Variants in MARCHF11 observed in about 807,000 individuals in gnomAD.
MARCHF11 encodes membrane associated ring-CH-type finger 11.
MARCHF11 carries 29 observed loss-of-function variants against 37.3 expected under a neutral mutation model. The observed-to-expected ratio is 0.78, with a 90% CI of 0.58 to 1.06. The LOEUF is 1.06. Among genes scored for constraint, MARCHF11 ranks in the 50% least tolerant of loss-of-function variants. The pLI, the probability that MARCHF11 is intolerant of heterozygous loss-of-function variation, is 0.00. For missense variants in MARCHF11, 482 were observed against 533.4 expected (o/e 0.90, Z 0.95); for synonymous variants, 233 against 228.0 (o/e 1.02, Z -0.20).
At chr5:16,161,708 G>C (rs533945494) in intron 2 of MARCHF11, among the ~76,000 whole-genome samples, 156 of 152,022 alleles carry the variant, frequency 1.0e-3, no homozygotes, top group Non-Finnish European at 1.9e-3. Context: ...ATCAATTTGT[G>C]TAGCTCCAGG....
intron 2 of MARCHF11, among the ~76,000 whole-genome samples, chr5:16,117,516 C>G (rs1278718003): frequency 6.6e-6 from 1 of 152,134 alleles, no homozygotes; most frequent in African/African-American, 2.4e-5. Flanking sequence ...ATTTGCAAAG[C>G]AACATTTGGT....
At chr5:16,123,468 G>C (rs540833421) in intron 2 of MARCHF11, among the ~76,000 whole-genome samples, 2 of 152,118 alleles carry the variant, frequency 1.3e-5, no homozygotes, top group African/African-American at 2.4e-5. Context: ...CTACAAGTGT[G>C]AAACAATAAA....
chr5:16,081,932 T>C (rs560305788), intron 3 of MARCHF11, among the ~76,000 whole-genome samples: 84 of 152,316 alleles, frequency 5.5e-4, no homozygotes, highest in African/African-American at 1.9e-3. Flanking sequence ...TTCTATGCTA[T>C]TTCCCAGGAT....
intron 2 of MARCHF11, among the ~76,000 whole-genome samples, chr5:16,177,244 G>T (rs758502782): frequency 9.9e-5 from 15 of 152,168 alleles, no homozygotes; most frequent in Non-Finnish European, 2.1e-4. Flanking sequence ...AGAAAGCCTG[G>T]TTAAGTGGAA....
intron 2 of MARCHF11, among the ~76,000 whole-genome samples, chr5:16,098,881 T>G (rs989482687): frequency 1.3e-5 from 2 of 151,934 alleles, no homozygotes; most frequent in African/African-American, 4.8e-5. Flanking sequence ...ACAACAAAAA[T>G]CATAAATGAC....
intron 2 of MARCHF11, among the ~76,000 whole-genome samples, chr5:16,128,989 A>G (rs941960880): frequency 6.6e-6 from 1 of 152,176 alleles, no homozygotes; most frequent in Non-Finnish European, 1.5e-5. Flanking sequence ...TATTTTGCAC[A>G]TATGGCCACA....
intron 2 of MARCHF11, among the ~76,000 whole-genome samples, chr5:16,122,251 C>T (rs1003835057): frequency 5.3e-5 from 8 of 152,104 alleles, no homozygotes; most frequent in African/African-American, 9.7e-5. Flanking sequence ...AGCATGCACA[C>T]GTATAAGCAT....
intron 2 of MARCHF11, among the ~76,000 whole-genome samples, chr5:16,101,385 AT>A (rs1425011707): frequency 1.3e-5 from 2 of 152,280 alleles, no homozygotes; most frequent in African/African-American, 4.8e-5. Context: ...CAAAAAAAAA[AT>A]GCATTTTAGC....
chr5:16,119,675 T>G (rs964224968), intron 2 of MARCHF11, among the ~76,000 whole-genome samples: 8 of 152,192 alleles, frequency 5.3e-5, no homozygotes, highest in Non-Finnish European at 1.2e-4. Flanking sequence ...TGCCTATTCA[T>G]GAACACTATA....
chr5:16,177,219 A>C (rs1738378379), intron 2 of MARCHF11, among the ~76,000 whole-genome samples: 3 of 152,250 alleles, frequency 2.0e-5, no homozygotes, highest in Admixed American at 2.0e-4. Flanking sequence ...ACTGCAAAAG[A>C]ACATCACATG....
chr5:16,163,098 C>T (rs1189292694), intron 2 of MARCHF11, among the ~76,000 whole-genome samples: 3 of 151,936 alleles, frequency 2.0e-5, no homozygotes, highest in Admixed American at 6.6e-5. Flanking sequence ...AACAGTAGGG[C>T]GCTTAAGTTA....
chr5:16,162,179 C>T (rs1161660818), intron 2 of MARCHF11, among the ~76,000 whole-genome samples: 1 of 151,904 alleles, frequency 6.6e-6, no homozygotes, highest in East Asian at 1.9e-4. Flanking sequence ...ACCTGTTTCT[C>T]AGAATCCAGA....
intron 3 of MARCHF11, among the ~76,000 whole-genome samples, chr5:16,075,040 G>T (rs2126545364): frequency 6.6e-6 from 1 of 152,348 alleles, no homozygotes; most frequent in Middle Eastern, 3.4e-3. Context: ...AAGCCCAATT[G>T]TCAGATGGAG....
At chr5:16,135,879 T>TA (rs200868869) in intron 2 of MARCHF11, among the ~76,000 whole-genome samples, 7,514 of 112,558 alleles carry the variant, frequency 0.067, 257 homozygotes, top group African/African-American at 0.11. Context: ...TGAAAGAGAT[T>TA]TAAAAAAAAA....
At chr5:16,166,750 T>C (rs1477337028) in intron 2 of MARCHF11, among the ~76,000 whole-genome samples, 3 of 152,070 alleles carry the variant, frequency 2.0e-5, no homozygotes, top group Admixed American at 6.6e-5. Flanking sequence ...GTATAGTTTA[T>C]ATAAACTTAT....
At chr5:16,137,256 C>T (rs1737624914) in intron 2 of MARCHF11, among the ~76,000 whole-genome samples, 1 of 152,154 alleles carries the variant, frequency 6.6e-6, no homozygotes, top group South Asian at 2.1e-4. Flanking sequence ...GGCAGGGACC[C>T]AGTGGGAGGT....
chr5:16,105,535 C>G (rs1478839348), intron 2 of MARCHF11, among the ~76,000 whole-genome samples: 1 of 152,146 alleles, frequency 6.6e-6, no homozygotes, highest in Non-Finnish European at 1.5e-5. Flanking sequence ...TGAGAACTCA[C>G]TATTTGCCAA....
chr5:16,067,401 T>A lies in MARCHF11; in HGVS notation c.*70A>T. ...AGATGTGTTTTTAGAAGTGCTATGG[T>A]TTTGCCATTCACTGCAATTACATTG... is the stretch of plus-strand genomic sequence containing the variant. On this transcript the variant is annotated 3_prime_UTR_variant, in exon 4 of 4. Transcript: ENST00000332432. 7.1e-7 allele frequency: 1 copy of A among 1,404,978 alleles called. No individual in the cohort carries two copies. Among genetic ancestry groups the A allele is most frequent in the Non-Finnish European group, 9.8e-7 (1 of 1,017,298 alleles). The allele number at this position is 1,404,978 out of a possible 1,614,324, so 87.0% of individuals were successfully genotyped here.
chr5:16,078,105 T>G (rs1015404955), intron 3 of MARCHF11, among the ~76,000 whole-genome samples: 10 of 152,234 alleles, frequency 6.6e-5, no homozygotes, highest in African/African-American at 2.2e-4. Context: ...AAGCTCAGCA[T>G]ATAAAGAGGG....
Sources: gnomAD v4.1 joint callset for allele counts (sites outside exome capture counted in the v4.1 genomes callset) on GRCh38, gnomAD v4.1.1 for gene constraint, MANE v1.5 for transcripts, NCBI Gene and HGNC (gene_info 2026-07-23, HGNC 2026-07-21) for gene names.